The following TET3 variants were observed in gnomAD, a reference collection of about 807,000 sequenced individuals.
TET3 encodes tet methylcytosine dioxygenase 3, also known as methylcytosine dioxygenase TET3.
TET3 carries 19 observed loss-of-function variants against 141.4 expected under a neutral mutation model. The ratio of observed to expected loss-of-function variants is 0.13; its 90% CI spans 0.09 to 0.20. The LOEUF (loss-of-function observed/expected upper bound fraction) is 0.20. TET3 is among the 10% of genes least tolerant of loss of function. The probability of loss-of-function intolerance (pLI) is 1.00; values close to 1 mark genes in which losing one functional copy is unlikely to be tolerated. For synonymous variants in TET3, 1,043 were observed against 980.9 expected, an observed-to-expected ratio of 1.06 and a Z score of -1.18; for missense variants, 1,874 against 2,356.9, an observed-to-expected ratio of 0.80 and a Z score of 4.24.
intron 3 of TET3, among the ~76,000 whole-genome samples, chr2:74,023,969 C>G (rs1206064945): frequency 2.0e-5 from 3 of 151,958 alleles, no homozygotes; most frequent in Non-Finnish European, 4.4e-5. Flanking sequence ...TCAGTTTTTC[C>G]TACCTTTCTT....
chr2:74,092,928 G>A lies in TET3; in HGVS notation c.3066G>A (p.Gln1022=), dbSNP rs770458278. ...KEEEVLRKSF[Q]DLATEVAPLY... is the part of the protein sequence containing the mutation. ...AAGAAGTGCTCCGGAAGAGTTTCCA[G>A]GACCTGGCCACCGAAGTCGCTCCCC... The change falls in exon 9 of 12, where the codon CAG becomes CAA. Residue 1022 remains glutamine (Q), a synonymous_variant. Coordinates refer to ENST00000409262, the MANE Select transcript of TET3 (RefSeq NM_001287491.2). The A allele has an allele frequency of 1.9e-5, 30 of 1,591,926 alleles. No individual in the cohort carries two copies. Among genetic ancestry groups the A allele is most frequent in the South Asian group, 4.6e-5 (4 of 87,270 alleles).
intron 3 of TET3, among the ~76,000 whole-genome samples, chr2:74,032,019 A>G (rs902359521): frequency 6.6e-6 from 1 of 152,194 alleles, no homozygotes; most frequent in Non-Finnish European, 1.5e-5. Flanking sequence ...ATCTACTAAA[A>G]TGGATGTGGA....
chr2:74,086,511 G>A (rs1690168052), intron 6 of TET3, among the ~76,000 whole-genome samples: 1 of 152,092 alleles, frequency 6.6e-6, no homozygotes, highest in Non-Finnish European at 1.5e-5. Flanking sequence ...AAACAGGCTG[G>A]GTGCAGTGGC....
At chr2:74,094,676 G>A (rs532953368) in intron 10 of TET3, among the ~76,000 whole-genome samples, 24 of 152,132 alleles carry the variant, frequency 1.6e-4, no homozygotes, top group Non-Finnish European at 2.6e-4. Flanking sequence ...GGGAGGTGCT[G>A]ATGGGACAGA....
chr2:74,012,442 CAG>C (rs1257949386), intron 3 of TET3, among the ~76,000 whole-genome samples: 3 of 152,194 alleles, frequency 2.0e-5, no homozygotes, highest in Admixed American at 6.5e-5. Context: ...GGCAGGCACA[CAG>C]GGGTAAAGTT....
chr2:73,991,805 C>CAAA (rs772400180), intron 2 of TET3, among the ~76,000 whole-genome samples: 2,000 of 79,116 alleles, frequency 0.025, 109 homozygotes, highest in African/African-American at 0.081. Flanking sequence ...AACTCTGTCT[C>CAAA]AAAAAAAAAA....
At chr2:74,062,432 T>G (rs1055246943) in intron 4 of TET3, among the ~76,000 whole-genome samples, 1 of 152,216 alleles carries the variant, frequency 6.6e-6, no homozygotes, top group African/African-American at 2.4e-5. Flanking sequence ...ACAAAAGATA[T>G]TTACTTAAAC....
At chr2:74,045,273 G>A (rs188746598) in intron 3 of TET3, among the ~76,000 whole-genome samples, 97 of 152,334 alleles carry the variant, frequency 6.4e-4, no homozygotes, top group Admixed American at 1.4e-3. Context: ...CTCCACTACA[G>A]TTACTATTGT....
At chr2:74,126,914 G>A in the TET3 span, among the ~76,000 whole-genome samples, 2 of 152,146 alleles carry the variant, frequency 1.3e-5, no homozygotes, top group South Asian at 2.1e-4. Context: ...ATCTGGCCAC[G>A]TAGGAATTAG....
chr2:74,040,221 A>AGT (rs1255104643), intron 3 of TET3, among the ~76,000 whole-genome samples: 11 of 151,628 alleles, frequency 7.3e-5, no homozygotes, highest in Admixed American at 5.3e-4. Flanking sequence ...AGTGGAGAAG[A>AGT]GTGTGTGTGT....
chr2:74,028,805 T>C lies in TET3; in HGVS notation c.361-17473T>C, dbSNP rs575812854. On this transcript the variant is annotated intron_variant, in intron 3 of 11. Transcript: ENST00000409262. ...GAATGAATTACTAGAAAAATGATCA[T>C]GTGCTTAGATGCCATGACAATGTCA... Among the ~76,000 whole-genome samples the C allele has an allele frequency of 2.5e-4, 38 of 152,370 alleles. 1 individual carries two copies. The South Asian group carries it at 7.2e-3, about 29-fold the overall frequency.
intron 3 of TET3, among the ~76,000 whole-genome samples, chr2:74,020,922 G>T (rs1686005309): frequency 6.6e-6 from 1 of 152,100 alleles, no homozygotes; most frequent in Admixed American, 6.5e-5. Context: ...TTTATCCCGT[G>T]GTCTGTGCTC....
At chr2:73,987,668 G>GCTCC (rs1684109122) in intron 2 of TET3, among the ~76,000 whole-genome samples, 1 of 152,204 alleles carries the variant, frequency 6.6e-6, no homozygotes, top group African/African-American at 2.4e-5. Context: ...CTGTCTTCGA[G>GCTCC]CTCCCCCTGG....
At chr2:74,070,036 T>A (rs1308422900) in intron 4 of TET3, among the ~76,000 whole-genome samples, 1 of 152,230 alleles carries the variant, frequency 6.6e-6, no homozygotes, top group East Asian at 1.9e-4. Flanking sequence ...AGGTCAAACA[T>A]CATTAACTGT....
Position 74,099,618 on chromosome 2 carries a change from TG to T in TET3, c.3604+12del. ...GGGCATTACGTCGGACCCAGGTGTG[TG>T]GGGGGAGGGTGCCCGCTTGGAGTCA... On this transcript the variant is annotated splice_region_variant and intron_variant, in intron 11 of 11. Transcript: ENST00000409262. 1.3e-6 allele frequency: 2 copies of T among 1,553,474 alleles called. No homozygotes were observed. Among genetic ancestry groups the T allele is most frequent in the Non-Finnish European group, 1.7e-6 (2 of 1,146,338 alleles).
intron 6 of TET3, among the ~76,000 whole-genome samples, chr2:74,084,138 G>A (rs1194902783): frequency 1.3e-5 from 2 of 152,212 alleles, no homozygotes; most frequent in Non-Finnish European, 1.5e-5. Context: ...CGTTCTTGCC[G>A]TGCCTCAGAG....
intron 8 of TET3, 128 bp from the exon 9 acceptor site, chr2:74,092,772 CAG>C (rs1257175939): frequency 2.6e-6 from 2 of 767,940 alleles, no homozygotes; most frequent in East Asian, 5.4e-5. Context: ...AAGGAAAGGC[CAG>C]AAAGACACCT....
rs61742889 is a variant in TET3, at chr2:74,047,288, C to T, written c.1371C>T (p.Pro457=). The T allele has an allele frequency of 6.1e-3, 9,925 of 1,614,028 alleles. 971 individuals carry two copies. The Admixed American group carries it at 0.16, about 26-fold the overall frequency. ...RSSWPMPRPS[P]DPMAELEQLL... is the part of the protein sequence containing the mutation. ...CCTGGCCCATGCCTCGCCCAAGCCC[C>T]GATCCCATGGCTGAACTGGAGCAGT... The change falls in exon 4 of 12, where the codon CCC becomes CCT. Residue 457 remains proline, a synonymous_variant. Transcript: ENST00000409262.
At chr2:74,040,784 C>T (rs1027940015) in intron 3 of TET3, among the ~76,000 whole-genome samples, 3 of 152,078 alleles carry the variant, frequency 2.0e-5, no homozygotes, top group African/African-American at 2.4e-5. Flanking sequence ...TGGTGCATAC[C>T]TGTGGTCCCA....
Sources: gnomAD v4.1 joint callset for allele counts (sites outside exome capture counted in the v4.1 genomes callset) on GRCh38, gnomAD v4.1.1 for gene constraint, MANE v1.5 for transcripts, NCBI Gene and HGNC (gene_info 2026-07-23, HGNC 2026-07-21) for gene names.